Variants in CDKAL1 observed in about 807,000 individuals in gnomAD.
CDKAL1 encodes threonylcarbamoyladenosine tRNA methylthiotransferase.
A neutral mutation model predicts 68.2 loss-of-function variants in CDKAL1; 32 were observed. The ratio of observed to expected loss-of-function variants is 0.47; its 90% CI spans 0.35 to 0.63. CDKAL1 has a LOEUF of 0.63. Among genes scored for constraint, CDKAL1 ranks in the 30% least tolerant of loss-of-function variants. The pLI is 0.00. For synonymous variants in CDKAL1, 234 were observed against 244.3 expected, an observed-to-expected ratio of 0.96 and a Z score of 0.39; for missense variants, 606 against 696.7, an observed-to-expected ratio of 0.87 and a Z score of 1.47.
chr6:20,607,828 G>A (rs1766400072), intron 4 of CDKAL1, among the ~76,000 whole-genome samples: 1 of 152,026 alleles, frequency 6.6e-6, no homozygotes, highest in South Asian at 2.1e-4. Context: ...CTGAGTAGCT[G>A]GGACTAGAGG....
intron 5 of CDKAL1, among the ~76,000 whole-genome samples, chr6:20,660,068 G>A (rs1769215414): frequency 6.6e-6 from 1 of 151,906 alleles, no homozygotes. Flanking sequence ...ATCCCACCTG[G>A]CTAAATAGTT....
At chr6:20,578,862 A>T (rs1459467851) in intron 4 of CDKAL1, among the ~76,000 whole-genome samples, 1 of 152,222 alleles carries the variant, frequency 6.6e-6, no homozygotes, top group Non-Finnish European at 1.5e-5. Flanking sequence ...TGTTTATGGC[A>T]GGCATCGATG....
At chr6:20,559,408 C>T (rs953085142) in intron 4 of CDKAL1, 1 of 152,174 alleles carries the variant, frequency 6.6e-6, no homozygotes, top group African/African-American at 2.4e-5. Context: ...AAGTTAGTAA[C>T]TCTCATGGCA....
At chr6:20,613,233 A>C (rs964630850) in intron 4 of CDKAL1, among the ~76,000 whole-genome samples, 2 of 129,202 alleles carry the variant, frequency 1.5e-5, no homozygotes, top group African/African-American at 6.0e-5. Context: ...TTATCAGTTC[A>C]TCACAAAATT....
At chr6:20,945,745 C>G (rs1764206443) in intron 9 of CDKAL1, among the ~76,000 whole-genome samples, 1 of 152,186 alleles carries the variant, frequency 6.6e-6, no homozygotes, top group Admixed American at 6.5e-5. Flanking sequence ...ACAAGCACCA[C>G]TTTCTTTCCC....
intron 5 of CDKAL1, among the ~76,000 whole-genome samples, chr6:20,679,409 C>T (rs1392543774): frequency 6.6e-6 from 1 of 152,184 alleles, no homozygotes; most frequent in Non-Finnish European, 1.5e-5. Context: ...TGCATTGCTA[C>T]AATGCATAGC....
chr6:20,569,495 G>C (rs190783504), intron 4 of CDKAL1, among the ~76,000 whole-genome samples: 55 of 152,266 alleles, frequency 3.6e-4, no homozygotes, highest in African/African-American at 1.2e-3. Flanking sequence ...AGAGCATTTC[G>C]AGTGAGTTAG....
At chr6:20,835,965 T>C (rs1777922567) in intron 8 of CDKAL1, among the ~76,000 whole-genome samples, 1 of 152,146 alleles carries the variant, frequency 6.6e-6, no homozygotes, top group South Asian at 2.1e-4. Context: ...GAGCCCTGCT[T>C]TGTGTACTTT....
intron 4 of CDKAL1, among the ~76,000 whole-genome samples, chr6:20,576,604 T>C (rs1351752806): frequency 1.3e-5 from 2 of 152,236 alleles, no homozygotes; most frequent in African/African-American, 2.4e-5. Context: ...TCCTGGGTAA[T>C]GCATTTATTT....
chr6:21,198,196 A>G (rs1778545336), intron 14 of CDKAL1, 92 bp downstream of exon 14: 1 of 805,992 alleles, frequency 1.2e-6, no homozygotes, highest in Admixed American at 2.4e-5. Context: ...GAGAGTGTTG[A>G]ATCTTGTCAC....
intron 13 of CDKAL1, among the ~76,000 whole-genome samples, chr6:21,121,660 G>C (rs534809960): frequency 6.6e-6 from 1 of 152,150 alleles, no homozygotes; most frequent in Admixed American, 6.5e-5. Flanking sequence ...TAGAATGTCA[G>C]CTGTACCACT....
intron 13 of CDKAL1, among the ~76,000 whole-genome samples, chr6:21,155,923 C>T (rs1562077965): frequency 6.6e-6 from 1 of 152,020 alleles, no homozygotes; most frequent in Non-Finnish European, 1.5e-5. Flanking sequence ...AAAGAACAAC[C>T]TAAATATCCC....
In CDKAL1 at chr6:20,541,753, C is replaced by T. The variant is rs560783792; in HGVS notation, c.-5-4593C>T. Among the ~76,000 whole-genome samples, 300 of 152,250 alleles carry T rather than the reference C, an allele frequency of 2.0e-3. 1 individual carries two copies. The highest frequency in any genetic ancestry group is 3.7e-3 in the Non-Finnish European group (252 of 68,012). On this transcript the variant is annotated intron_variant, in intron 2 of 15. Transcript: ENST00000274695. ...TCGGCTAACCAAAACCTCTGCCTCC[C>T]GGGTTCAAGCAATTCTCCTGTCTCA...
chr6:21,190,109 C>T (rs543812329), intron 13 of CDKAL1, among the ~76,000 whole-genome samples: 10 of 151,868 alleles, frequency 6.6e-5, no homozygotes, highest in African/African-American at 2.4e-4. Flanking sequence ...TTGTATTTAA[C>T]ATGTTCCAGG....
intron 13 of CDKAL1, among the ~76,000 whole-genome samples, chr6:21,152,779 G>C (rs1776472093): frequency 6.6e-6 from 1 of 152,124 alleles, no homozygotes; most frequent in Non-Finnish European, 1.5e-5. Context: ...TGTCTTTTGT[G>C]ATCTTTGTTT....
chr6:21,029,741 TG>T (rs1266862337), intron 11 of CDKAL1, among the ~76,000 whole-genome samples: 1 of 152,174 alleles, frequency 6.6e-6, no homozygotes, highest in Non-Finnish European at 1.5e-5. Context: ...TCAACATCAC[TG>T]ATCGTTAGAG....
At chr6:20,633,952 T>G (rs1767784772) in intron 4 of CDKAL1, among the ~76,000 whole-genome samples, 1 of 152,226 alleles carries the variant, frequency 6.6e-6, no homozygotes, top group Non-Finnish European at 1.5e-5. Flanking sequence ...GTTTGCTAGG[T>G]CAAAATCTAG....
intron 8 of CDKAL1, among the ~76,000 whole-genome samples, chr6:20,783,851 T>A (rs1775539171): frequency 6.6e-6 from 1 of 152,180 alleles, no homozygotes; most frequent in South Asian, 2.1e-4. Flanking sequence ...TCCCTCGGTA[T>A]CTGTAGGGGA....
chr6:20,897,430 C>T lies in CDKAL1; in HGVS notation c.742+51252C>T, dbSNP rs558314994. Among the ~76,000 whole-genome samples the T allele has an allele frequency of 7.9e-5, 12 of 151,914 alleles. No individual in the cohort carries two copies. In the South Asian group the frequency reaches 1.7e-3, roughly 21 times the overall value. The stretch of plus-strand genomic sequence containing the variant: ...TATAGCAGAGGCCTCCCAATCCTGC[C>T]GCAAGCCAGAGTGAGAATGAGGCCA... On this transcript the variant is annotated intron_variant, in intron 9 of 15. Coordinates refer to ENST00000274695, the MANE Select transcript of CDKAL1 (RefSeq NM_017774.3).
Sources: allele counts gnomAD v4.1 joint callset (sites outside exome capture counted in the v4.1 genomes callset), GRCh38; gene constraint gnomAD v4.1.1; transcripts MANE v1.5; gene names NCBI Gene and HGNC (gene_info 2026-07-23, HGNC 2026-07-21).